Variants in FAM193A observed in about 807,000 individuals in gnomAD.
FAM193A encodes protein FAM193A.
Under a neutral mutation model 126.5 loss-of-function variants are expected in FAM193A, and 22 were observed. The ratio of observed to expected loss-of-function variants is 0.17; its 90% CI spans 0.12 to 0.25. FAM193A has a LOEUF of 0.25. Among genes scored for constraint, FAM193A ranks in the 10% least tolerant of loss-of-function variants. FAM193A has a pLI of 1.00. For missense variants in FAM193A, 1,675 were observed against 1,672.8 expected, an observed-to-expected ratio of 1.00 and a Z score of -0.02; for synonymous variants, 761 against 646.8, an observed-to-expected ratio of 1.18 and a Z score of -2.68.
chr4:2,618,466 C>T (rs1347590530), intron 2 of FAM193A, among the ~76,000 whole-genome samples: 2 of 151,892 alleles, frequency 1.3e-5, no homozygotes, highest in Admixed American at 6.6e-5. Flanking sequence ...CTTGCCCTGT[C>T]GCCCAGGCTG....
chr4:2,547,689 G>A (rs1321249357), intron 1 of FAM193A, among the ~76,000 whole-genome samples: 4 of 151,544 alleles, frequency 2.6e-5, no homozygotes, highest in African/African-American at 4.8e-5. Context: ...GCAGTGGCGC[G>A]ATCTTGGCTC....
chr4:2,637,904 G>T (rs1744245197), intron 5 of FAM193A, among the ~76,000 whole-genome samples: 1 of 152,242 alleles, frequency 6.6e-6, no homozygotes, highest in African/African-American at 2.4e-5. Context: ...TTCCGGTTGT[G>T]AAGTGAGTCT....
chr4:2,616,939 C>T (rs1247595924), intron 2 of FAM193A, among the ~76,000 whole-genome samples: 2 of 145,934 alleles, frequency 1.4e-5, no homozygotes, highest in South Asian at 2.1e-4. Context: ...GAGGCTGAGG[C>T]GGGCGGATTA....
At chr4:2,626,345 G>T in intron 3 of FAM193A, 65 bp from the exon 4 acceptor site, 1 of 671,618 alleles carries the variant, frequency 1.5e-6, no homozygotes, top group Non-Finnish European at 2.8e-6. Context: ...TCTGAGGACA[G>T]TGTGCTAGGT....
intron 13 of FAM193A, among the ~76,000 whole-genome samples, chr4:2,688,668 C>T (rs1051593995): frequency 1.5e-4 from 23 of 152,222 alleles, no homozygotes; most frequent in Admixed American, 1.4e-3. Flanking sequence ...TTACATTCAA[C>T]AAAGATCACT....
chr4:2,666,165 A>G (rs747315844), intron 12 of FAM193A, among the ~76,000 whole-genome samples: 2 of 152,202 alleles, frequency 1.3e-5, no homozygotes, highest in African/African-American at 2.4e-5. Context: ...AGGAAATTCT[A>G]TTCTACTCCT....
intron 1 of FAM193A, among the ~76,000 whole-genome samples, chr4:2,585,911 A>C (rs1002344052): frequency 6.6e-6 from 1 of 152,178 alleles, no homozygotes; most frequent in Non-Finnish European, 1.5e-5. Context: ...CCTGGGTGGC[A>C]GAGTGAGACT....
intron 5 of FAM193A, among the ~76,000 whole-genome samples, chr4:2,633,367 C>G (rs1743789289): frequency 2.6e-5 from 4 of 151,774 alleles, no homozygotes; most frequent in Admixed American, 2.6e-4. Context: ...CCAGTGCACT[C>G]CAGTCTGGGC....
intron 2 of FAM193A, among the ~76,000 whole-genome samples, chr4:2,599,259 C>T (rs1007805959): frequency 6.6e-6 from 1 of 151,438 alleles, no homozygotes; most frequent in Admixed American, 6.6e-5. Context: ...CTTCCACTTT[C>T]CTTCCTCTGT....
intron 6 of FAM193A, among the ~76,000 whole-genome samples, chr4:2,645,009 A>C (rs1302532440): frequency 1.4e-5 from 2 of 147,800 alleles, no homozygotes; most frequent in Non-Finnish European, 3.0e-5. Flanking sequence ...TCCATTTCAA[A>C]ATATATATGT....
At chr4:2,699,259 C>T (rs1194423267) in intron 18 of FAM193A, among the ~76,000 whole-genome samples, 1 of 152,166 alleles carries the variant, frequency 6.6e-6, no homozygotes, top group Non-Finnish European at 1.5e-5. Context: ...AGCCTCAGTA[C>T]TGCCCGGGCA....
At chr4:2,677,512 G>A (rs933116564) in intron 13 of FAM193A, among the ~76,000 whole-genome samples, 4 of 151,686 alleles carry the variant, frequency 2.6e-5, no homozygotes, top group Admixed American at 6.6e-5. Context: ...AGGCTGAGGC[G>A]GGCGGATCAC....
Position 2,536,929 on chromosome 4 carries a change from ACGCCAAGCGCGGGGCCAAG to A in FAM193A, c.19_37del (p.Lys7GlyfsTer80). 1 of 149,194 alleles carries A rather than the reference ACGCCAAGCGCGGGGCCAAG, an allele frequency of 6.7e-6. No individual in the cohort carries two copies. Among genetic ancestry groups the A allele is most frequent in the Middle Eastern group, 3.3e-3 (1 of 300 alleles). The allele number at this position is 149,194 out of a possible 1,614,324, so 9.2% of individuals were successfully genotyped here. On this transcript the variant is annotated frameshift_variant, in exon 1 of 21. Transcript: ENST00000637812. LOFTEE classifies it high-confidence loss of function. ...TCCCCGCCCGCCATGAGCCCAGCCG[ACGCCAAGCGCGGGGCCAAG>A]CGCCGGAAGAACAAGCGGGGCGGCG...
chr4:2,569,480 A>C (rs1043540111), intron 1 of FAM193A, among the ~76,000 whole-genome samples: 1 of 152,004 alleles, frequency 6.6e-6, no homozygotes, highest in African/African-American at 2.4e-5. Context: ...GTTTGGTGCT[A>C]TTTGCCATTT....
chr4:2,707,840 C>T (rs975415289), intron 19 of FAM193A, among the ~76,000 whole-genome samples: 3 of 151,790 alleles, frequency 2.0e-5, no homozygotes, highest in African/African-American at 7.3e-5. Flanking sequence ...ATTCCACCTC[C>T]TGGGTTCAAG....
intron 4 of FAM193A, among the ~76,000 whole-genome samples, chr4:2,629,016 C>A (rs559093120): frequency 2.6e-5 from 4 of 152,176 alleles, no homozygotes; most frequent in Non-Finnish European, 5.9e-5. Flanking sequence ...CCATGCCCGG[C>A]TAATTTTTTG....
intron 1 of FAM193A, among the ~76,000 whole-genome samples, chr4:2,567,073 G>A (rs1013744671): frequency 1.3e-5 from 2 of 151,570 alleles, no homozygotes; most frequent in African/African-American, 4.8e-5. Context: ...CCGAGTAGCC[G>A]GGACTACAGG....
intron 19 of FAM193A, among the ~76,000 whole-genome samples, chr4:2,702,767 C>T (rs1302436661): frequency 2.0e-5 from 3 of 152,308 alleles, no homozygotes; most frequent in African/African-American, 7.2e-5. Flanking sequence ...CTGCCCTTAC[C>T]CGATGGAAAA....
At position 2,590,496 on chromosome 4, in the gene FAM193A, CAAAAA is replaced by C. The variant is rs780957903; in HGVS notation, c.256-5583_256-5579del. On this transcript the variant is annotated intron_variant, in intron 1 of 20. Transcript: ENST00000637812. ...AAAAACAAAAAAAAACAAAAAAAAA[CAAAAA>C]AAAACAAAAAAAAAACAAAACAAAA... Among the ~76,000 whole-genome samples, 57 of 45,794 alleles carry C rather than the reference CAAAAA, an allele frequency of 1.2e-3. 6 individuals carry two copies. Among genetic ancestry groups the C allele is most frequent in the African/African-American group, 8.4e-3 (47 of 5,598 alleles). The allele number at this position is 45,794 out of a possible 152,430, so 30.0% of individuals were successfully genotyped here.
Sources: allele counts gnomAD v4.1 joint callset (sites outside exome capture counted in the v4.1 genomes callset), GRCh38; gene constraint gnomAD v4.1.1; transcripts MANE v1.5; gene names NCBI Gene and HGNC (gene_info 2026-07-23, HGNC 2026-07-21).